SLC5A4: variants seen among roughly 807,000 people sequenced by gnomAD.
SLC5A4 encodes probable glucose sensor protein SLC5A4.
In SLC5A4, 55 loss-of-function variants were observed where a neutral mutation model predicts 70.3. The observed-to-expected ratio is 0.78, with a 90% CI of 0.63 to 0.98. The LOEUF is 0.98. Ranked by LOEUF, SLC5A4 falls within the 50% of genes least tolerant of loss-of-function variation. The pLI is 0.00. For missense variants in SLC5A4, 735 were observed against 839.2 expected, an observed-to-expected ratio of 0.88 and a Z score of 1.53; for synonymous variants, 268 against 305.7, an observed-to-expected ratio of 0.88 and a Z score of 1.29.
chr22:32,330,470 TG>T, the SLC5A4 span, among the ~76,000 whole-genome samples: 5 of 122,546 alleles, frequency 4.1e-5, no homozygotes, highest in Admixed American at 8.8e-5. Context: ...TGTGTGTGTG[TG>T]TTGGAGGCTC....
At chr22:32,237,496 GT>G (rs2145672555) in intron 6 of SLC5A4, among the ~76,000 whole-genome samples, 172 bp from the exon 7 acceptor site, 1 of 152,274 alleles carries the variant, frequency 6.6e-6, no homozygotes, top group South Asian at 2.1e-4. Flanking sequence ...CTCAGCACTG[GT>G]TTTCCTACTT....
At chr22:32,323,602 A>G in the SLC5A4 span, among the ~76,000 whole-genome samples, 1 of 152,214 alleles carries the variant, frequency 6.6e-6, no homozygotes, top group African/African-American at 2.4e-5. Flanking sequence ...AGGCTGGAAA[A>G]GGTTGGAACA....
upstream of SLC5A4, chr22:32,255,396 C>A: frequency 6.5e-7 from 1 of 1,548,230 alleles, no homozygotes. Flanking sequence ...GGTTAATGAT[C>A]AGCCTCAGGC....
the SLC5A4 span, among the ~76,000 whole-genome samples, chr22:32,328,908 C>A: frequency 1.3e-5 from 2 of 152,206 alleles, no homozygotes; most frequent in African/African-American, 4.8e-5. Context: ...GCCTGCACAC[C>A]CCAGTGATGG....
At chr22:32,326,949 G>A in the SLC5A4 span, among the ~76,000 whole-genome samples, 1 of 152,182 alleles carries the variant, frequency 6.6e-6, no homozygotes, top group African/African-American at 2.4e-5. Flanking sequence ...CAAGGAAATG[G>A]ACTCACCCCC....
chr22:32,337,184 CCTGG>C, the SLC5A4 span, among the ~76,000 whole-genome samples: 1 of 152,304 alleles, frequency 6.6e-6, no homozygotes, highest in African/African-American at 2.4e-5. Context: ...TGCCTCTTGT[CCTGG>C]CTATCATCGC....
chr22:32,330,465 G>A, the SLC5A4 span, among the ~76,000 whole-genome samples: 2 of 137,414 alleles, frequency 1.5e-5, no homozygotes, highest in Non-Finnish European at 3.1e-5. Context: ...GTGTGTGTGT[G>A]TGTGTGTTGG....
At chr22:32,270,870 T>A in the SLC5A4 span, 1 of 551,318 alleles carries the variant, frequency 1.8e-6, no homozygotes, top group Non-Finnish European at 3.4e-6. Flanking sequence ...AAGCCCCCGC[T>A]GCACCATCAG....
At chr22:32,318,961 G>A in the SLC5A4 span, among the ~76,000 whole-genome samples, 1,863 of 152,314 alleles carry the variant, frequency 0.012, 42 homozygotes, top group African/African-American at 0.042. Flanking sequence ...GGTGTTTCAT[G>A]ATGAGAGGAA....
chr22:32,301,001 C>T, the SLC5A4 span, among the ~76,000 whole-genome samples: 10 of 152,122 alleles, frequency 6.6e-5, no homozygotes, highest in African/African-American at 2.2e-4. Flanking sequence ...CTTGCTCTGT[C>T]GCCCAGGCTG....
Position 32,224,283 on chromosome 22 carries a change from G to T in SLC5A4, c.1649C>A (p.Pro550His). Residue 550 changes from proline (P) to histidine (H), a missense_variant, in exon 13 of 15, where the codon CCC (proline) becomes CAC (histidine). Coordinates refer to ENST00000266086, the MANE Select transcript of SLC5A4 (RefSeq NM_014227.3). ...ATCACTCACATGTACATCAGGAATG[G>T]GTTTTGTTAAGAGGGAAATTCCCAG... ...VTLGISLLTK[P>H]IPDVHLYRLC... 1.2e-6 allele frequency: 2 copies of T among 1,612,446 alleles called. No homozygotes were observed. The highest frequency in any genetic ancestry group is 1.7e-6 in the Non-Finnish European group (2 of 1,178,552).
the SLC5A4 span, among the ~76,000 whole-genome samples, chr22:32,352,575 C>T: frequency 6.6e-6 from 1 of 152,092 alleles, no homozygotes; most frequent in African/African-American, 2.4e-5. Context: ...GCGGGGAAGA[C>T]TCCTCCTTCC....
At chr22:32,277,003 T>C in the SLC5A4 span, 1 of 152,212 alleles carries the variant, frequency 6.6e-6, no homozygotes, top group African/African-American at 2.4e-5. Context: ...AAACTGATGA[T>C]TTAAAATACT....
intron 9 of SLC5A4, 55 bp from the exon 10 acceptor site, chr22:32,231,130 A>G: frequency 1.0e-6 from 1 of 997,874 alleles, no homozygotes. Context: ...AAAACCAACA[A>G]CCATTAAACA....
the SLC5A4 span, among the ~76,000 whole-genome samples, chr22:32,292,623 A>ATATAT: frequency 1.3e-5 from 2 of 151,956 alleles, no homozygotes; most frequent in Non-Finnish European, 2.9e-5. Flanking sequence ...TATATTTTAT[A>ATATAT]GAATTCTATC....
chr22:32,246,174 A>G (rs1455893626), intron 5 of SLC5A4, among the ~76,000 whole-genome samples: 5 of 152,226 alleles, frequency 3.3e-5, no homozygotes, highest in African/African-American at 1.2e-4. Flanking sequence ...CCTTAGCCAG[A>G]TGGTGAACTC....
the SLC5A4 span, among the ~76,000 whole-genome samples, chr22:32,330,511 T>C: frequency 1.8e-5 from 2 of 113,762 alleles, no homozygotes; most frequent in Non-Finnish European, 3.6e-5. Context: ...TGTGTATGTG[T>C]TGGGGGCTGT....
chr22:32,270,796 G>C, the SLC5A4 span: 1 of 599,014 alleles, frequency 1.7e-6, no homozygotes. Context: ...CGACGGCCGC[G>C]TCACCATGTT....
At chr22:32,319,325 C>T in the SLC5A4 span, among the ~76,000 whole-genome samples, 12 of 151,316 alleles carry the variant, frequency 7.9e-5, no homozygotes, top group African/African-American at 2.7e-4. Context: ...CTCAGGCCAT[C>T]GACTCACACT....
Sources: allele counts gnomAD v4.1 joint callset (sites outside exome capture counted in the v4.1 genomes callset), GRCh38; gene constraint gnomAD v4.1.1; transcripts MANE v1.5; gene names NCBI Gene and HGNC (gene_info 2026-07-23, HGNC 2026-07-21).